Variants in IMPG1 observed in about 807,000 individuals in gnomAD.
IMPG1 encodes interphotoreceptor matrix proteoglycan 1, also known as interphotoreceptor matrix proteoglycan of 150 kDa.
Under a neutral mutation model 92.0 loss-of-function variants are expected in IMPG1, and 85 were observed. The observed-to-expected ratio is 0.92, with a 90% CI of 0.78 to 1.11. IMPG1 has a LOEUF of 1.11. Among genes scored for constraint, IMPG1 ranks in the 50% least tolerant of loss-of-function variants. The probability of loss-of-function intolerance (pLI) is 0.00; values close to 1 mark genes in which losing one functional copy is unlikely to be tolerated. For synonymous variants in IMPG1, 367 were observed against 334.1 expected (o/e 1.10, Z -1.08); for missense variants, 1,022 against 956.0 (o/e 1.07, Z -0.91).
intron 7 of IMPG1, among the ~76,000 whole-genome samples, chr6:76,016,256 T>G (rs939140961): frequency 6.6e-6 from 1 of 152,222 alleles, no homozygotes; most frequent in Non-Finnish European, 1.5e-5. Flanking sequence ...GGACTAGAAC[T>G]CTGATTTTTT....
At chr6:76,036,068 C>T (rs997074456) in intron 2 of IMPG1, among the ~76,000 whole-genome samples, 3 of 151,966 alleles carry the variant, frequency 2.0e-5, no homozygotes, top group South Asian at 2.1e-4. Context: ...CCATCTGTTC[C>T]CATCTACTTA....
chr6:76,022,092 A>G (rs1191205899), intron 6 of IMPG1, 24 bp downstream of exon 6: 4 of 1,293,918 alleles, frequency 3.1e-6, no homozygotes, highest in Non-Finnish European at 4.5e-6. Flanking sequence ...ATGAAGAGCT[A>G]GATCAACTCT....
chr6:75,962,744 TA>T (rs1427973909), intron 12 of IMPG1, among the ~76,000 whole-genome samples: 2 of 152,054 alleles, frequency 1.3e-5, no homozygotes, highest in African/African-American at 4.8e-5. Flanking sequence ...ACTAAGTGAA[TA>T]ATAATAATAA....
chr6:76,067,989 A>G (rs79863056), intron 1 of IMPG1, among the ~76,000 whole-genome samples: 3,895 of 152,250 alleles, frequency 0.026, 140 homozygotes, highest in African/African-American at 0.086. Context: ...ATATAGCATC[A>G]CTTCACAATA....
chr6:75,924,395 TA>T (rs1298095543), intron 15 of IMPG1, among the ~76,000 whole-genome samples: 9 of 121,492 alleles, frequency 7.4e-5, no homozygotes, highest in Non-Finnish European at 9.7e-5. Context: ...ATTACATATA[TA>T]AAAAATTATA....
At chr6:76,013,002 A>G (rs1363970120) in intron 7 of IMPG1, among the ~76,000 whole-genome samples, 1 of 151,584 alleles carries the variant, frequency 6.6e-6, no homozygotes, top group Non-Finnish European at 1.5e-5. Context: ...TTTTGTTTTC[A>G]CCATGTTCTC....
rs558781781 is a variant in IMPG1, at chr6:75,979,196, C to T, written c.1291+23722G>A. 7.2e-4 allele frequency among the ~76,000 whole-genome samples: 109 copies of T among 152,200 alleles called. 1 individual carries two copies. In the Middle Eastern group the frequency reaches 0.01, roughly 14 times the overall value. ...CCTCCCAAAGTGCTGGGATTACAGG[C>T]GTGAGCCACTGCACCCCACCAAGAT... On this transcript the variant is annotated intron_variant, in intron 12 of 16. Coordinates refer to ENST00000369950, the MANE Select transcript of IMPG1 (RefSeq NM_001563.4).
chr6:75,953,707 C>T (rs907649132), intron 12 of IMPG1, among the ~76,000 whole-genome samples: 1 of 152,050 alleles, frequency 6.6e-6, no homozygotes, highest in South Asian at 2.1e-4. Flanking sequence ...TGGTTTGCTG[C>T]ACCCATCAAC....
chr6:76,021,801 ATGGTTTTGT>A (rs375791617), intron 6 of IMPG1, among the ~76,000 whole-genome samples: 35 of 107,286 alleles, frequency 3.3e-4, no homozygotes, highest in East Asian at 1.1e-3. Context: ...ATATATATAT[ATGGTTTTGT>A]TATATATATA....
Position 75,994,449 on chromosome 6 carries a change from C to A in IMPG1, c.1291+8469G>T, listed in dbSNP as rs1025196656. Among the ~76,000 whole-genome samples the A allele has an allele frequency of 3.3e-5, 5 of 152,148 alleles. 1 individual carries two copies. Among genetic ancestry groups the A allele is most frequent in the African/African-American group, 1.2e-4 (5 of 41,444 alleles). On this transcript the variant is annotated intron_variant, in intron 12 of 16. Coordinates refer to ENST00000369950, the MANE Select transcript of IMPG1 (RefSeq NM_001563.4). ...TGAAAAGTACTGCTCATAATGGATA[C>A]TGTATTAGTCTGTTCTCATACTGCT...
intron 7 of IMPG1, among the ~76,000 whole-genome samples, chr6:76,013,152 T>G (rs1783219964): frequency 6.6e-6 from 1 of 152,124 alleles, no homozygotes; most frequent in Non-Finnish European, 1.5e-5. Context: ...TTGACTACAT[T>G]TATTCTGAAG....
At chr6:75,957,472 T>A (rs2149460218) in intron 12 of IMPG1, among the ~76,000 whole-genome samples, 1 of 152,204 alleles carries the variant, frequency 6.6e-6, no homozygotes, top group South Asian at 2.1e-4. Flanking sequence ...CTTGTTAGTT[T>A]TGTCTTGTTG....
intron 1 of IMPG1, among the ~76,000 whole-genome samples, chr6:76,058,729 A>G (rs1438206570): frequency 6.6e-6 from 1 of 152,170 alleles, no homozygotes; most frequent in African/African-American, 2.4e-5. Context: ...AGGGAATCAG[A>G]TATAAATATG....
chr6:75,972,735 TTCAG>T (rs1486166517), intron 12 of IMPG1, among the ~76,000 whole-genome samples: 29 of 152,376 alleles, frequency 1.9e-4, no homozygotes, highest in African/African-American at 6.0e-4. Flanking sequence ...ATATCCATTC[TTCAG>T]TCATTCTTTA....
chr6:76,045,065 T>C (rs78568775), intron 1 of IMPG1, among the ~76,000 whole-genome samples: 1,672 of 152,256 alleles, frequency 0.011, 37 homozygotes, highest in African/African-American at 0.038. Context: ...TCTACAAGGG[T>C]GAATTAGGGT....
In IMPG1 at chr6:75,929,772, A is replaced by G. The variant is rs556811836; in HGVS notation, c.2243+1181T>C. 2.2e-4 allele frequency among the ~76,000 whole-genome samples: 34 copies of G among 152,208 alleles called. 1 individual carries two copies. In the East Asian group the frequency reaches 4.2e-3, roughly 19 times the overall value. On this transcript the variant is annotated intron_variant, in intron 15 of 16. Coordinates refer to ENST00000369950, the MANE Select transcript of IMPG1 (RefSeq NM_001563.4). ...AGTAAATTAAAAAAAAAAGGGTTTC[A>G]TAATCCTAGCTGGACATTTAGGCCT...
chr6:75,958,460 G>T (rs1204793659), intron 12 of IMPG1, among the ~76,000 whole-genome samples: 1 of 152,102 alleles, frequency 6.6e-6, no homozygotes, highest in Non-Finnish European at 1.5e-5. Context: ...AGTTCTCCTG[G>T]ATAATATCCT....
chr6:75,974,373 TTC>T lies in IMPG1; in HGVS notation c.1292-23281_1292-23280del, dbSNP rs1363299948. On this transcript the variant is annotated intron_variant, in intron 12 of 16. Coordinates refer to ENST00000369950, the MANE Select transcript of IMPG1 (RefSeq NM_001563.4). ...TTTCTTTCTTTCTTTCTTTCTTTCT[TTC>T]TTTCTTTCTTTCTTTCTTTTCTTTC... Among the ~76,000 whole-genome samples the T allele has an allele frequency of 3.4e-3, 401 of 118,920 alleles. 12 individuals carry two copies. Among genetic ancestry groups the T allele is most frequent in the Non-Finnish European group, 1.0e-3 (57 of 56,910 alleles). 78.0% of individuals were successfully genotyped at this position (118,920 alleles called of 152,430 possible).
At chr6:75,955,403 G>A (rs866411109) in intron 12 of IMPG1, among the ~76,000 whole-genome samples, 6 of 152,032 alleles carry the variant, frequency 3.9e-5, no homozygotes, top group African/African-American at 1.4e-4. Context: ...CTCATGCTTT[G>A]GCTCTCTGTT....
Sources: allele counts gnomAD v4.1 joint callset (sites outside exome capture counted in the v4.1 genomes callset), GRCh38; gene constraint gnomAD v4.1.1; transcripts MANE v1.5; gene names NCBI Gene and HGNC (gene_info 2026-07-23, HGNC 2026-07-21).